The following MRTFB variants were observed in gnomAD, a reference collection of about 807,000 sequenced individuals.
The protein encoded by MRTFB is myocardin related transcription factor B.
MRTFB carries 29 observed loss-of-function variants against 104.2 expected under a neutral mutation model. That is an observed-to-expected ratio of 0.28 (90% CI 0.21 to 0.38). The LOEUF (loss-of-function observed/expected upper bound fraction) is 0.38. Among genes scored for constraint, MRTFB ranks in the 10% least tolerant of loss-of-function variants. MRTFB has a pLI of 1.00. For missense variants in MRTFB, 1,270 were observed against 1,341.6 expected, an observed-to-expected ratio of 0.95 and a Z score of 0.83; for synonymous variants, 535 against 519.5, an observed-to-expected ratio of 1.03 and a Z score of -0.41.
intron 3 of MRTFB, among the ~76,000 whole-genome samples, chr16:14,190,363 G>T (rs934911077): frequency 1.3e-5 from 2 of 152,158 alleles, no homozygotes; most frequent in Non-Finnish European, 2.9e-5. Flanking sequence ...TGGATCTACA[G>T]CTAAGAAGAG....
At chr16:14,000,240 A>G in the MRTFB span, among the ~76,000 whole-genome samples, 1 of 152,232 alleles carries the variant, frequency 6.6e-6, no homozygotes, top group Non-Finnish European at 1.5e-5. Flanking sequence ...CGGGGACAGA[A>G]GGGTTCCTTT....
intron 6 of MRTFB, 132 bp from the exon 7 acceptor site, chr16:14,216,994 T>G: frequency 1.1e-6 from 1 of 881,218 alleles, no homozygotes; most frequent in Non-Finnish European, 1.6e-6. Context: ...AGTCATTTTC[T>G]CTTTCCATAA....
In MRTFB at chr16:14,258,190, C is replaced by T. The variant is rs775166658; in HGVS notation, c.2764+29C>T. On this transcript the variant is annotated intron_variant, in intron 16 of 16. Coordinates refer to ENST00000571589, the MANE Select transcript of MRTFB (RefSeq NM_001308142.2). ...AGTCAAAAGTCACATCAGATCCTCC[C>T]AGGAAGTCATCTCTTAACCCAAGTT... 9.4e-6 allele frequency: 15 copies of T among 1,595,732 alleles called. 1 individual carries two copies. In the Middle Eastern group the frequency reaches 6.6e-4, roughly 70 times the overall value.
chr16:14,084,754 T>G (rs1445173493), intron 2 of MRTFB, among the ~76,000 whole-genome samples: 1 of 152,252 alleles, frequency 6.6e-6, no homozygotes, highest in Non-Finnish European at 1.5e-5. Flanking sequence ...TTTAACAGTT[T>G]CTGATATGAG....
chr16:14,187,910 C>A (rs912307576), intron 3 of MRTFB, among the ~76,000 whole-genome samples: 2 of 152,180 alleles, frequency 1.3e-5, no homozygotes, highest in Non-Finnish European at 2.9e-5. Flanking sequence ...CCTTTTTCAG[C>A]CTCTGCTTTC....
At chr16:14,184,506 C>G (rs1002584957) in intron 3 of MRTFB, among the ~76,000 whole-genome samples, 3 of 152,116 alleles carry the variant, frequency 2.0e-5, no homozygotes, top group African/African-American at 7.2e-5. Context: ...ATAGGCGTGA[C>G]CCACCACTGA....
chr16:14,159,745 C>T (rs1038272705), intron 3 of MRTFB, among the ~76,000 whole-genome samples: 196 of 151,298 alleles, frequency 1.3e-3, no homozygotes, highest in African/African-American at 4.3e-3. Context: ...CCGGCTAAAA[C>T]GGTGAAACCC....
chr16:14,213,954 T>C (rs2041307546), intron 6 of MRTFB, among the ~76,000 whole-genome samples: 1 of 152,206 alleles, frequency 6.6e-6, no homozygotes, highest in Non-Finnish European at 1.5e-5. Context: ...AAGAATGCAA[T>C]AGCACAAGTC....
In MRTFB at chr16:14,177,079, G is replaced by A. The variant is rs767002062; in HGVS notation, c.155-33164G>A. On this transcript the variant is annotated intron_variant, in intron 3 of 16. Coordinates refer to ENST00000571589, the MANE Select transcript of MRTFB (RefSeq NM_001308142.2). This position sits in a 1 kb window ranked among gnomAD's most constrained non-coding sequence, Gnocchi z 4.7. The stretch of plus-strand genomic sequence containing the variant: ...AAGAAAAAACTTGTACAAAAACAAG[G>A]ACAACACAGAGTGTATTAGTGAATA... Among the ~76,000 whole-genome samples, 1 of 152,224 alleles carries A rather than the reference G, an allele frequency of 6.6e-6. No individual in the cohort carries two copies. The highest frequency in any genetic ancestry group is 1.9e-4 in the East Asian group (1 of 5,202).
the MRTFB span, chr16:14,020,531 G>A: frequency 6.6e-5 from 10 of 152,236 alleles, no homozygotes; most frequent in Non-Finnish European, 1.3e-4. Context: ...GGGTCATGGA[G>A]AAGGGCATCA....
chr16:14,098,835 A>G (rs1466510660), intron 2 of MRTFB, among the ~76,000 whole-genome samples: 1 of 152,238 alleles, frequency 6.6e-6, no homozygotes, highest in Non-Finnish European at 1.5e-5. Flanking sequence ...ATTTGTTGAA[A>G]TGACTATTCT....
At chr16:14,079,201 C>A in intron 1 of MRTFB, 89 bp from the exon 2 acceptor site, 1 of 295,864 alleles carries the variant, frequency 3.4e-6, no homozygotes, top group Non-Finnish European at 6.3e-6. Context: ...TCCAGTTTAT[C>A]TTAGACTTCA....
intron 2 of MRTFB, among the ~76,000 whole-genome samples, chr16:14,123,128 T>C (rs925754040): frequency 1.4e-4 from 21 of 152,266 alleles, no homozygotes; most frequent in Admixed American, 6.5e-4. Context: ...GCTCACTTTT[T>C]GATGGGGTTG....
At chr16:14,253,992 T>C (rs1003619361) in intron 15 of MRTFB, among the ~76,000 whole-genome samples, 1 of 152,144 alleles carries the variant, frequency 6.6e-6, no homozygotes, top group Non-Finnish European at 1.5e-5. Context: ...TAACTGCAGT[T>C]TTTAAGAAAA....
intron 8 of MRTFB, among the ~76,000 whole-genome samples, chr16:14,220,689 A>C (rs1316199643): frequency 6.6e-6 from 1 of 152,198 alleles, no homozygotes; most frequent in Non-Finnish European, 1.5e-5. Flanking sequence ...GTCATTCCTG[A>C]ATTTAAGCAT....
At chr16:14,184,100 C>T (rs2039862449) in intron 3 of MRTFB, among the ~76,000 whole-genome samples, 1 of 135,216 alleles carries the variant, frequency 7.4e-6, no homozygotes, top group Admixed American at 7.4e-5. Context: ...AAAAAGTTGG[C>T]ATTTATTGTT....
chr16:14,130,974 C>T, intron 2 of MRTFB, among the ~76,000 whole-genome samples: 1 of 152,162 alleles, frequency 6.6e-6, no homozygotes, highest in Non-Finnish European at 1.5e-5. Context: ...CCACTGGGTC[C>T]TTCCCATGAC....
chr16:14,248,313 G>GT (rs1416910469), intron 12 of MRTFB: 2 of 152,268 alleles, frequency 1.3e-5, no homozygotes, highest in African/African-American at 2.4e-5. Context: ...GAATCATCTC[G>GT]TACCCCTGTG....
the MRTFB span, among the ~76,000 whole-genome samples, chr16:14,002,274 T>C: frequency 6.6e-6 from 1 of 151,940 alleles, no homozygotes; most frequent in Non-Finnish European, 1.5e-5. Flanking sequence ...TCCCAGCTAC[T>C]TGGGAGGCTG....
Sources: gnomAD v4.1 joint callset for allele counts (sites outside exome capture counted in the v4.1 genomes callset) on GRCh38, gnomAD v4.1.1 for gene constraint, Gnocchi (gnomAD v3.1) non-coding constraint, MANE v1.5 for transcripts, NCBI Gene and HGNC (gene_info 2026-07-23, HGNC 2026-07-21) for gene names.